Variants in ACOT8 observed in about 807,000 individuals in gnomAD.
ACOT8 encodes acyl-coenzyme A thioesterase 8.
ACOT8 carries 31 observed loss-of-function variants against 38.4 expected under a neutral mutation model. The ratio of observed to expected loss-of-function variants is 0.81; its 90% CI spans 0.61 to 1.09. The LOEUF (loss-of-function observed/expected upper bound fraction) is 1.09, where lower values mean the gene tolerates loss of function less well. Among genes scored for constraint, ACOT8 ranks in the 50% least tolerant of loss-of-function variants. ACOT8 has a pLI of 0.00. For missense variants in ACOT8, 373 were observed against 421.8 expected (o/e 0.88, Z 1.01); for synonymous variants, 158 against 170.3 (o/e 0.93, Z 0.56).
At chr20:45,848,149 ATCC>A (rs1334631830) in intron 3 of ACOT8, among the ~76,000 whole-genome samples, 1 of 151,968 alleles carries the variant, frequency 6.6e-6, no homozygotes, top group East Asian at 1.9e-4. Context: ...GTCTCAAGCA[ATCC>A]TCCTGCCTTG....
At chr20:45,850,230 A>T (rs2145770344) in intron 2 of ACOT8, among the ~76,000 whole-genome samples, 1 of 152,178 alleles carries the variant, frequency 6.6e-6, no homozygotes, top group African/African-American at 2.4e-5. Flanking sequence ...CCTGGGGAAC[A>T]AGAGTGAAAC....
Position 45,844,770 on chromosome 20 carries a change from T to A in ACOT8, c.489-350A>T, listed in dbSNP as rs537554981. On this transcript the variant is annotated intron_variant, in intron 3 of 5. Transcript: ENST00000217455. The stretch of plus-strand genomic sequence containing the variant: ...GTAATATGCACTGTTCTAAGCATTG[T>A]ACATACAATAGTATTCCTCACAACA... Among the ~76,000 whole-genome samples, 21 of 152,114 alleles carry A rather than the reference T, an allele frequency of 1.4e-4. No individual in the cohort carries two copies. The East Asian group carries it at 3.7e-3, about 27-fold the overall frequency.
At chr20:45,843,896 G>A in intron 4 of ACOT8, 175 bp from the exon 5 acceptor site, 1 of 1,304,098 alleles carries the variant, frequency 7.7e-7, no homozygotes, top group East Asian at 2.5e-5. Context: ...GACTTGGGGA[G>A]GGCAGGGGTG....
chr20:45,847,563 T>C (rs1195281414), intron 3 of ACOT8: 1 of 150,728 alleles, frequency 6.6e-6, no homozygotes, highest in South Asian at 2.1e-4. Context: ...AAACGCCATC[T>C]CTACTAAAAA....
Position 45,855,198 on chromosome 20 carries a change from C to T in ACOT8, c.223G>A (p.Val75Ile), listed in dbSNP as rs149763440. ...TAGCAGTGCAGGGAGTGCACGTGGA[C>T]GTCTTCACTCACAGACTTGGCTGCA... ...VAAAKSVSED[V>I]HVHSLHCYFV... The change falls in exon 2 of 6, where the codon GTC (valine) becomes ATC (isoleucine). Residue 75 changes from valine (V) to isoleucine (I), a missense_variant. Transcript: ENST00000217455. 77 of 1,614,132 alleles carry T rather than the reference C, an allele frequency of 4.8e-5. No individual in the cohort carries two copies. The East Asian group carries it at 1.2e-3, about 25-fold the overall frequency.
intron 1 of ACOT8, among the ~76,000 whole-genome samples, chr20:45,856,867 C>T (rs900071276): frequency 4.6e-5 from 7 of 152,236 alleles, no homozygotes; most frequent in African/African-American, 1.7e-4. Context: ...AAGGCTGATC[C>T]ATCAGCTGTG....
At chr20:45,843,070 T>C (rs1200494727) in intron 5 of ACOT8, 6 of 1,160,206 alleles carry the variant, frequency 5.2e-6, no homozygotes, top group African/African-American at 4.8e-5. Flanking sequence ...AAATACAGTT[T>C]CCTGGACCTT....
chr20:45,844,360 G>A lies in ACOT8; in HGVS notation c.549C>T (p.Val183=), dbSNP rs765328719. 56 of 1,614,060 alleles carry A rather than the reference G, an allele frequency of 3.5e-5. No individual in the cohort carries two copies. Among genetic ancestry groups the A allele is most frequent in the Non-Finnish European group, 4.6e-5 (54 of 1,180,038 alleles). The stretch of plus-strand genomic sequence containing the variant: ...GGTTTACTGGCTTGATCTCAATGGG[G>A]ACCTCCTGAGCAGCAATTCGGTTGA... The part of the protein sequence containing the change: ...LALNRIAAQE[V]PIEIKPVNPS... Residue 183 remains valine, a synonymous_variant, in exon 4 of 6, where the codon GTC becomes GTT. Transcript: ENST00000217455.
chr20:45,851,761 A>C (rs1027998930), intron 2 of ACOT8, among the ~76,000 whole-genome samples: 1 of 152,190 alleles, frequency 6.6e-6, no homozygotes, highest in Non-Finnish European at 1.5e-5. Flanking sequence ...GCAAAACCTA[A>C]AATGTTTACT....
intron 1 of ACOT8, 117 bp downstream of exon 1, chr20:45,857,071 G>T: frequency 8.1e-7 from 1 of 1,237,968 alleles, no homozygotes; most frequent in Non-Finnish European, 1.1e-6. Context: ...AATCGTGGCA[G>T]AGGGTGCATC....
At chr20:45,852,287 C>T (rs1225090756) in intron 2 of ACOT8, among the ~76,000 whole-genome samples, 2 of 152,002 alleles carry the variant, frequency 1.3e-5, no homozygotes, top group African/African-American at 2.4e-5. Flanking sequence ...CCTGACTCAG[C>T]CTCCTGAGTA....
At chr20:45,844,542 C>A in intron 3 of ACOT8, 122 bp from the exon 4 acceptor site, 1 of 1,174,858 alleles carries the variant, frequency 8.5e-7, no homozygotes, top group Non-Finnish European at 1.2e-6. Flanking sequence ...AAGCTCCCCT[C>A]CCCTGTGGCA....
At chr20:45,845,837 GTTTT>G (rs901449285) in intron 3 of ACOT8, among the ~76,000 whole-genome samples, 1 of 127,332 alleles carries the variant, frequency 7.9e-6, no homozygotes, top group Non-Finnish European at 1.5e-5. Flanking sequence ...GTTTTTTTTT[GTTTT>G]TTTTTTTTTA....
intron 2 of ACOT8, 101 bp from the exon 3 acceptor site, chr20:45,848,776 T>A: frequency 9.2e-7 from 1 of 1,092,826 alleles, no homozygotes; most frequent in Non-Finnish European, 1.3e-6. Flanking sequence ...TTCATCTCAG[T>A]GACTACTAAC....
intron 3 of ACOT8, among the ~76,000 whole-genome samples, chr20:45,846,343 A>G (rs1283434018): frequency 6.6e-6 from 1 of 151,756 alleles, no homozygotes; most frequent in Non-Finnish European, 1.5e-5. Context: ...GCTAGTTAGT[A>G]CTAGCACGCT....
At chr20:45,854,046 G>T in intron 2 of ACOT8, 1 of 1,153,598 alleles carries the variant, frequency 8.7e-7, no homozygotes, top group Non-Finnish European at 1.1e-6. Flanking sequence ...TTTTAGCATA[G>T]GTTTTGCTTT....
chr20:45,843,878 G>A, intron 4 of ACOT8, 157 bp from the exon 5 acceptor site: 1 of 1,399,540 alleles, frequency 7.1e-7, no homozygotes, highest in Non-Finnish European at 9.4e-7. Flanking sequence ...GGGGAGAAGT[G>A]AGATGGCGAC....
intron 2 of ACOT8, chr20:45,853,991 G>A (rs1364968101): frequency 7.7e-7 from 1 of 1,301,662 alleles, no homozygotes; most frequent in South Asian, 1.2e-5. Context: ...TGCTCTGGGG[G>A]TAACAGGGAA....
intron 2 of ACOT8, among the ~76,000 whole-genome samples, chr20:45,854,499 G>A (rs13037892): frequency 0.079 from 12,004 of 152,242 alleles, 590 homozygotes; most frequent in South Asian, 0.14. Flanking sequence ...GTGAGCCACC[G>A]CGCCCGGCCT....
Sources: gnomAD v4.1 joint callset for allele counts (sites outside exome capture counted in the v4.1 genomes callset) on GRCh38, gnomAD v4.1.1 for gene constraint, MANE v1.5 for transcripts, NCBI Gene and HGNC (gene_info 2026-07-23, HGNC 2026-07-21) for gene names.